Variants in MAGI2 observed in about 807,000 individuals in gnomAD.
MAGI2 encodes membrane associated guanylate kinase, WW and PDZ domain containing 2.
Under a neutral mutation model 133.3 loss-of-function variants are expected in MAGI2, and 35 were observed. The ratio of observed to expected loss-of-function variants is 0.26; its 90% confidence interval spans 0.20 to 0.35. MAGI2 has a LOEUF of 0.35. Ranked by LOEUF, MAGI2 falls within the 10% of genes least tolerant of loss-of-function variation. The pLI is 1.00. For missense variants in MAGI2, 1,636 were observed against 1,863.4 expected (o/e 0.88, Z 2.25); for synonymous variants, 729 against 710.6 (o/e 1.03, Z -0.41).
At chr7:79,116,610 C>A (rs973373898) in intron 1 of MAGI2, among the ~76,000 whole-genome samples, 1 of 152,084 alleles carries the variant, frequency 6.6e-6, no homozygotes, top group East Asian at 1.9e-4. Context: ...TTTGGATATG[C>A]GTCCCTCCAA....
At chr7:78,330,965 G>T (rs1351739089) in intron 9 of MAGI2, among the ~76,000 whole-genome samples, 1 of 152,038 alleles carries the variant, frequency 6.6e-6, no homozygotes, top group African/African-American at 2.4e-5. Flanking sequence ...GCGTATACAC[G>T]TGCATGTGTG....
chr7:79,341,057 C>G (rs1200711808), intron 1 of MAGI2, among the ~76,000 whole-genome samples: 1 of 152,124 alleles, frequency 6.6e-6, no homozygotes, highest in Admixed American at 6.6e-5. Context: ...CATCTGAATA[C>G]ACAGGACTCT....
chr7:78,932,175 T>A (rs117720002), intron 2 of MAGI2, among the ~76,000 whole-genome samples: 1,668 of 152,188 alleles, frequency 0.011, 19 homozygotes, highest in African/African-American at 0.03. Flanking sequence ...TACACCAATG[T>A]CAAGTTTCCC....
At chr7:78,615,036 A>C (rs940744446) in intron 3 of MAGI2, 1 of 152,138 alleles carries the variant, frequency 6.6e-6, no homozygotes, top group Non-Finnish European at 1.5e-5. Context: ...TGGATGACTC[A>C]ATTTTCGCAT....
intron 6 of MAGI2, among the ~76,000 whole-genome samples, chr7:78,396,355 T>G (rs1313985481): frequency 2.0e-5 from 3 of 152,048 alleles, no homozygotes; most frequent in Middle Eastern, 3.2e-3. Flanking sequence ...TCCTCTCTGT[T>G]CTCTATAGGC....
chr7:78,023,742 A>G (rs1808642006), intron 21 of MAGI2, among the ~76,000 whole-genome samples: 1 of 152,220 alleles, frequency 6.6e-6, no homozygotes, highest in South Asian at 2.1e-4. Flanking sequence ...TGTGAAATCC[A>G]GAGGACTCTG....
At chr7:79,267,985 A>G (rs1470835767) in intron 1 of MAGI2, among the ~76,000 whole-genome samples, 1 of 152,182 alleles carries the variant, frequency 6.6e-6, no homozygotes, top group Non-Finnish European at 1.5e-5. Context: ...GTGTGATGAC[A>G]TTCTTCAGTT....
At chr7:79,423,627 G>A (rs1031349751) in intron 1 of MAGI2, among the ~76,000 whole-genome samples, 5 of 152,050 alleles carry the variant, frequency 3.3e-5, no homozygotes, top group Admixed American at 6.6e-5. Context: ...CGAAGTATAT[G>A]TATTATGCAG....
At chr7:78,164,467 G>A (rs1825421922) in intron 15 of MAGI2, among the ~76,000 whole-genome samples, 2 of 152,234 alleles carry the variant, frequency 1.3e-5, no homozygotes, top group Admixed American at 1.3e-4. Flanking sequence ...GGGCTGGCCT[G>A]CCTATAGGCA....
At chr7:79,042,430 G>A (rs953617989) in intron 1 of MAGI2, among the ~76,000 whole-genome samples, 1 of 152,060 alleles carries the variant, frequency 6.6e-6, no homozygotes, top group South Asian at 2.1e-4. Flanking sequence ...CATTACATGT[G>A]AGATGCATCT....
At chr7:79,100,447 A>G (rs190247026) in intron 1 of MAGI2, among the ~76,000 whole-genome samples, 3 of 151,812 alleles carry the variant, frequency 2.0e-5, no homozygotes, top group Admixed American at 2.0e-4. Context: ...TTCCATTCAT[A>G]TTTTTTAGAT....
intron 1 of MAGI2, among the ~76,000 whole-genome samples, chr7:79,248,510 C>G (rs1832980673): frequency 6.6e-6 from 1 of 152,030 alleles, no homozygotes; most frequent in South Asian, 2.1e-4. Flanking sequence ...CACTATAGAC[C>G]GAATGGACTT....
intron 4 of MAGI2, among the ~76,000 whole-genome samples, chr7:78,512,209 T>C (rs1269892836): frequency 6.6e-6 from 1 of 151,478 alleles, no homozygotes; most frequent in Non-Finnish European, 1.5e-5. Flanking sequence ...ATCTATACCA[T>C]ATTTTTGCAG....
At chr7:78,652,286 T>A (rs1563299521) in intron 2 of MAGI2, among the ~76,000 whole-genome samples, 1 of 152,194 alleles carries the variant, frequency 6.6e-6, no homozygotes, top group Non-Finnish European at 1.5e-5. Context: ...AGACTTTTGC[T>A]TACATGGTGT....
intron 1 of MAGI2, among the ~76,000 whole-genome samples, chr7:79,178,389 G>T (rs941299068): frequency 2.0e-5 from 3 of 151,964 alleles, no homozygotes; most frequent in African/African-American, 7.3e-5. Flanking sequence ...CCCTATGAAA[G>T]AGTGGAAAAT....
At chr7:79,115,703 A>G (rs1012242190) in intron 1 of MAGI2, among the ~76,000 whole-genome samples, 25 of 152,090 alleles carry the variant, frequency 1.6e-4, no homozygotes, top group African/African-American at 5.8e-4. Context: ...TAGACTCCTA[A>G]TAGATTTTTT....
chr7:78,290,371 G>A (rs1406212771), intron 9 of MAGI2, among the ~76,000 whole-genome samples: 2 of 152,172 alleles, frequency 1.3e-5, no homozygotes, highest in Non-Finnish European at 2.9e-5. Flanking sequence ...TAATAGTAAA[G>A]GGATCAATGC....
At chr7:79,277,237 A>G (rs1192697690) in intron 1 of MAGI2, among the ~76,000 whole-genome samples, 1 of 152,194 alleles carries the variant, frequency 6.6e-6, no homozygotes, top group South Asian at 2.1e-4. Flanking sequence ...ATAGGGAGGC[A>G]AGACCCTTCA....
intron 1 of MAGI2, among the ~76,000 whole-genome samples, chr7:79,291,653 C>A (rs7456786): frequency 1.3e-5 from 2 of 152,108 alleles, no homozygotes; most frequent in African/African-American, 4.8e-5. Flanking sequence ...ATTTGTACTT[C>A]TATAATGACT....
Sources: allele counts gnomAD v4.1 joint callset (sites outside exome capture counted in the v4.1 genomes callset), GRCh38; gene constraint gnomAD v4.1.1; transcripts MANE v1.5; gene names NCBI Gene and HGNC (gene_info 2026-07-23, HGNC 2026-07-21).